The following CTNND2 variants were observed in gnomAD, a reference collection of about 807,000 sequenced individuals.
The protein encoded by CTNND2 is catenin delta-2.
A neutral mutation model predicts 144.4 loss-of-function variants in CTNND2; 22 were observed. The observed-to-expected ratio is 0.15, with a 90% CI of 0.11 to 0.22. The LOEUF (loss-of-function observed/expected upper bound fraction) is 0.22. CTNND2 is among the 10% of genes least tolerant of loss of function. The pLI, the probability that CTNND2 is intolerant of heterozygous loss-of-function variation, is 1.00. For synonymous variants in CTNND2, 751 were observed against 695.6 expected (o/e 1.08, Z -1.25); for missense variants, 1,353 against 1,618.8 (o/e 0.84, Z 2.82).
intron 2 of CTNND2, among the ~76,000 whole-genome samples, chr5:11,710,850 CTCTTT>C (rs1253140195): frequency 1.3e-5 from 2 of 152,128 alleles, no homozygotes; most frequent in African/African-American, 4.8e-5. Flanking sequence ...TGCTACGTTT[CTCTTT>C]TATTTTTTGT....
At chr5:11,364,046 A>C (rs962557924) in intron 8 of CTNND2, among the ~76,000 whole-genome samples, 5 of 152,236 alleles carry the variant, frequency 3.3e-5, no homozygotes, top group African/African-American at 1.2e-4. Context: ...GACATTTGAC[A>C]GATTATGTTG....
At position 11,768,064 on chromosome 5, in the gene CTNND2, A is replaced by C. The variant is rs116642526; in HGVS notation, c.38-35792T>G. Among the ~76,000 whole-genome samples, 1,281 of 151,756 alleles carry C rather than the reference A, an allele frequency of 8.4e-3. 32 individuals carry two copies. The highest frequency in any genetic ancestry group is 0.029 in the African/African-American group (1,209 of 41,202). ...GGGAGTTGACCTGCCTTATCACACT[A>C]ATTTTTTTTTTCTAATTACAGCATT... On this transcript the variant is annotated intron_variant, in intron 1 of 21. Transcript: ENST00000304623.
chr5:11,177,600 TA>T (rs1029165251), intron 11 of CTNND2, among the ~76,000 whole-genome samples: 1 of 152,120 alleles, frequency 6.6e-6, no homozygotes, highest in African/African-American at 2.4e-5. Context: ...TCCTGGAGAC[TA>T]AAAAAATATT....
intron 12 of CTNND2, among the ~76,000 whole-genome samples, chr5:11,135,619 T>C (rs1339327989): frequency 6.6e-6 from 1 of 152,246 alleles, no homozygotes; most frequent in South Asian, 2.1e-4. Flanking sequence ...ATACTCATCA[T>C]GGAATATTTT....
At chr5:11,496,062 T>C (rs1458864455) in intron 3 of CTNND2, among the ~76,000 whole-genome samples, 1 of 152,194 alleles carries the variant, frequency 6.6e-6, no homozygotes, top group African/African-American at 2.4e-5. Flanking sequence ...TTAACATGCT[T>C]ATTCTGAATC....
At chr5:11,679,128 G>T (rs79767714) in intron 2 of CTNND2, among the ~76,000 whole-genome samples, 1 of 151,818 alleles carries the variant, frequency 6.6e-6, no homozygotes, top group Admixed American at 6.6e-5. Flanking sequence ...ACCAATCAGT[G>T]TGATCAGGGA....
intron 3 of CTNND2, among the ~76,000 whole-genome samples, chr5:11,435,045 C>T (rs1287821584): frequency 1.3e-5 from 2 of 152,036 alleles, no homozygotes; most frequent in Non-Finnish European, 2.9e-5. Flanking sequence ...TAGAGATATT[C>T]AGTGTCACGA....
chr5:11,117,731 A>C (rs1580334229), intron 12 of CTNND2, among the ~76,000 whole-genome samples, 164 bp from the exon 13 acceptor site: 2 of 152,332 alleles, frequency 1.3e-5, no homozygotes, highest in Non-Finnish European at 2.9e-5. Flanking sequence ...GCTTCCACAA[A>C]ACACATCCCA....
At chr5:10,990,899 T>C (rs1022130577) in intron 19 of CTNND2, among the ~76,000 whole-genome samples, 2 of 152,246 alleles carry the variant, frequency 1.3e-5, no homozygotes, top group African/African-American at 4.8e-5. Context: ...CGATCCATCA[T>C]GTCGTTTCAT....
chr5:11,705,532 T>C (rs1581748523), intron 2 of CTNND2, among the ~76,000 whole-genome samples: 1 of 152,162 alleles, frequency 6.6e-6, no homozygotes, highest in Non-Finnish European at 1.5e-5. Flanking sequence ...AAAATGTAAA[T>C]AGTATATATC....
chr5:11,696,006 T>A (rs1335668146), intron 2 of CTNND2, among the ~76,000 whole-genome samples: 1 of 152,200 alleles, frequency 6.6e-6, no homozygotes, highest in African/African-American at 2.4e-5. Flanking sequence ...ATTTGTATAC[T>A]TTTTACAAAT....
rs572546158 is a variant in CTNND2 at position 11,222,520 on chromosome 5, G to T, written c.1761+14171C>A. On this transcript the variant is annotated intron_variant, in intron 10 of 21. Coordinates refer to ENST00000304623, the MANE Select transcript of CTNND2 (RefSeq NM_001332.4). ...GTCTCCTTCTGGTTATAAAGAAAAA[G>T]CCTTGTGGGGTGTGTTGGCTCACGC... Among the ~76,000 whole-genome samples the T allele has an allele frequency of 6.6e-5, 10 of 152,252 alleles. No homozygotes were observed. In the East Asian group the frequency reaches 1.5e-3, roughly 24 times the overall value.
chr5:11,619,468 A>T (rs138165372), intron 2 of CTNND2, among the ~76,000 whole-genome samples: 3 of 152,234 alleles, frequency 2.0e-5, no homozygotes, highest in South Asian at 2.1e-4. Flanking sequence ...TCTTTCCTTT[A>T]TCTGGCACTG....
At chr5:11,062,134 A>G (rs1561243112) in intron 16 of CTNND2, among the ~76,000 whole-genome samples, 1 of 152,254 alleles carries the variant, frequency 6.6e-6, no homozygotes, top group Non-Finnish European at 1.5e-5. Flanking sequence ...ATGAATGAGG[A>G]GATAAATTAA....
chr5:11,116,445 GA>G (rs1457436250), intron 13 of CTNND2, among the ~76,000 whole-genome samples: 26 of 152,312 alleles, frequency 1.7e-4, no homozygotes, highest in South Asian at 8.3e-4. Flanking sequence ...TCCTTATTAA[GA>G]AATCACATTT....
At chr5:11,135,180 G>A (rs1756010606) in intron 12 of CTNND2, among the ~76,000 whole-genome samples, 1 of 152,198 alleles carries the variant, frequency 6.6e-6, no homozygotes, top group South Asian at 2.1e-4. Context: ...TCAGCCCAGG[G>A]CACATTTGTC....
intron 14 of CTNND2, among the ~76,000 whole-genome samples, chr5:11,105,868 C>A (rs969753367): frequency 6.6e-6 from 1 of 151,934 alleles, no homozygotes; most frequent in Non-Finnish European, 1.5e-5. Context: ...AGGTGAAGGC[C>A]GAGGGAGACT....
At chr5:11,884,276 C>T (rs1302470075) in intron 1 of CTNND2, among the ~76,000 whole-genome samples, 2 of 152,102 alleles carry the variant, frequency 1.3e-5, no homozygotes, top group African/African-American at 2.4e-5. Context: ...AATGGTATTG[C>T]CTAGGTTTTC....
chr5:11,355,306 G>A (rs1383025651), intron 8 of CTNND2, among the ~76,000 whole-genome samples: 1 of 151,866 alleles, frequency 6.6e-6, no homozygotes, highest in Non-Finnish European at 1.5e-5. Flanking sequence ...TAAAAAGATC[G>A]TTCACTATGA....
Sources: gnomAD v4.1 joint callset for allele counts (sites outside exome capture counted in the v4.1 genomes callset) on GRCh38, gnomAD v4.1.1 for gene constraint, MANE v1.5 for transcripts, NCBI Gene and HGNC (gene_info 2026-07-23, HGNC 2026-07-21) for gene names.